The following TRANK1 variants were observed in gnomAD, a reference collection of about 807,000 sequenced individuals.
TRANK1 encodes TPR and ankyrin repeat-containing protein 1.
Under a neutral mutation model 266.0 loss-of-function variants are expected in TRANK1, and 198 were observed. That is an observed-to-expected ratio of 0.74 (90% CI 0.66 to 0.84). TRANK1 has a LOEUF of 0.84. Among genes scored for constraint, TRANK1 ranks in the 40% least tolerant of loss-of-function variants. TRANK1 has a pLI of 0.00. For synonymous variants in TRANK1, 1,396 were observed against 1,384.1 expected (o/e 1.01, Z -0.19); for missense variants, 3,326 against 3,634.6 (o/e 0.92, Z 2.18).
Position 36,832,549 on chromosome 3 carries a change from T to C in TRANK1, c.7034A>G (p.Glu2345Gly). Residue 2345 changes from glutamate (E) to glycine (G), a missense_variant, in exon 22 of 24, where the codon GAG (glutamate) becomes GGG (glycine). By Grantham distance (98) the Glu-to-Gly change is moderately conservative. Transcript: ENST00000645898. Reference protein sequence around the residue: ...QAFLLSSNYPEEFEKLLHQEE... With the variant: ...QAFLLSSNYPGEFEKLLHQEE... ...CTGGTGGAGCAGCTTTTCAAACTCC[T>C]CCGGGTAGTTGGAAGAGAGAAGGAA... 6.2e-7 allele frequency: 1 copy of C among 1,613,974 alleles called. No individual in the cohort carries two copies. Among genetic ancestry groups the C allele is most frequent in the Non-Finnish European group, 8.5e-7 (1 of 1,179,892 alleles).
At chr3:36,868,904 C>G (rs2079264937) in intron 9 of TRANK1, among the ~76,000 whole-genome samples, 1 of 152,194 alleles carries the variant, frequency 6.6e-6, no homozygotes, top group African/African-American at 2.4e-5. Context: ...CTGATGTAAG[C>G]TGACTCGAAA....
At chr3:36,852,851 A>G (rs1468019564) in intron 13 of TRANK1, among the ~76,000 whole-genome samples, 1 of 152,006 alleles carries the variant, frequency 6.6e-6, no homozygotes, top group Non-Finnish European at 1.5e-5. Context: ...GACTTTGGTA[A>G]GAAAACCAGA....
At chr3:36,843,977 C>T (rs1040730076) in intron 17 of TRANK1, among the ~76,000 whole-genome samples, 1 of 152,148 alleles carries the variant, frequency 6.6e-6, no homozygotes, top group Non-Finnish European at 1.5e-5. Context: ...GGCCAGTGAA[C>T]TCTGCAGATG....
chr3:36,838,559 A>C, intron 19 of TRANK1, 54 bp downstream of exon 19: 1 of 1,613,990 alleles, frequency 6.2e-7, no homozygotes, highest in Non-Finnish European at 8.5e-7. Flanking sequence ...CTACACCAAT[A>C]TTTAACCTGC....
rs752988782 is a variant in TRANK1, at chr3:36,856,502, G to A, written c.3220C>T (p.Leu1074Phe). Residue 1074 changes from leucine (L) to phenylalanine (F), a missense_variant, in exon 13 of 24, where the codon CTT becomes TTT. By Grantham distance (22) the Leu-to-Phe change is conservative (BLOSUM62 0). Coordinates refer to ENST00000645898, the MANE Select transcript of TRANK1 (RefSeq NM_001329998.2). ...TTCCCAGTGCCACTTCGCCCAATAA[G>A]GATGATGGGCTCCAGTGGCCTGGGA... Reference protein sequence around the residue: ...LNPRPLEPIILIGRSGTGKTT... With the variant: ...LNPRPLEPIIFIGRSGTGKTT... The A allele has an allele frequency of 1.2e-6, 2 of 1,614,010 alleles. No individual in the cohort carries two copies. The highest frequency in any genetic ancestry group is 1.7e-6 in the Non-Finnish European group (2 of 1,179,894).
intron 9 of TRANK1, among the ~76,000 whole-genome samples, chr3:36,867,704 G>A (rs2079246377): frequency 6.6e-6 from 1 of 152,176 alleles, no homozygotes; most frequent in South Asian, 2.1e-4. Flanking sequence ...ACAAAAGACT[G>A]AATAAAAATG....
intron 2 of TRANK1, among the ~76,000 whole-genome samples, chr3:36,903,860 A>T (rs1047086739): frequency 6.6e-6 from 1 of 152,244 alleles, no homozygotes. Context: ...GGCCAGAAGA[A>T]AAAGGAAAAT....
intron 18 of TRANK1, among the ~76,000 whole-genome samples, chr3:36,841,176 A>AG (rs1301890282): frequency 6.6e-6 from 1 of 152,208 alleles, no homozygotes; most frequent in Non-Finnish European, 1.5e-5. Flanking sequence ...AATTCCAATG[A>AG]GAAGAAGGAT....
chr3:36,888,813 T>C (rs947021608), intron 8 of TRANK1, among the ~76,000 whole-genome samples: 2 of 152,136 alleles, frequency 1.3e-5, no homozygotes, highest in East Asian at 3.8e-4. Flanking sequence ...TCCCAGTACT[T>C]TGGGAGGCCG....
chr3:36,840,648 G>C (rs530906125), intron 18 of TRANK1, among the ~76,000 whole-genome samples: 1 of 152,220 alleles, frequency 6.6e-6, no homozygotes, highest in Non-Finnish European at 1.5e-5. Flanking sequence ...TTCTGTTCAC[G>C]TTCTTTGAAC....
chr3:36,868,792 C>T (rs1040342898), intron 9 of TRANK1, among the ~76,000 whole-genome samples: 2 of 152,206 alleles, frequency 1.3e-5, no homozygotes, highest in African/African-American at 4.8e-5. Context: ...AGTCAATACC[C>T]TATGCCTGCA....
chr3:36,902,131 G>A (rs543580804), intron 3 of TRANK1, among the ~76,000 whole-genome samples: 1 of 151,778 alleles, frequency 6.6e-6, no homozygotes, highest in Non-Finnish European at 1.5e-5. Context: ...AAAAATAACC[G>A]CAAAAAAAAA....
Position 36,838,363 on chromosome 3 carries a change from G to A in TRANK1, c.5517+9C>T, listed in dbSNP as rs2078798025. ...TTTCCCTGGAGCAGCAGCGGACTAGGAGCCATACCTTTCCCAGCCTCTCGC... is the reference window on the plus strand; with the variant it reads ...TTTCCCTGGAGCAGCAGCGGACTAGAAGCCATACCTTTCCCAGCCTCTCGC... On this transcript the variant is annotated intron_variant, in intron 20 of 23. Coordinates refer to ENST00000645898, the MANE Select transcript of TRANK1 (RefSeq NM_001329998.2). The A allele has an allele frequency of 6.2e-7, 1 of 1,613,786 alleles. No individual in the cohort carries two copies. Among genetic ancestry groups the A allele is most frequent in the Admixed American group, 1.7e-5 (1 of 59,984 alleles).
chr3:36,868,206 A>C (rs2079255813), intron 9 of TRANK1, among the ~76,000 whole-genome samples: 1 of 152,210 alleles, frequency 6.6e-6, no homozygotes, highest in Admixed American at 6.5e-5. Context: ...TTCCATGTTT[A>C]ATATTAGATC....
intron 8 of TRANK1, among the ~76,000 whole-genome samples, chr3:36,885,223 TAAG>T (rs1413584511): frequency 6.6e-6 from 1 of 152,218 alleles, no homozygotes; most frequent in Non-Finnish European, 1.5e-5. Flanking sequence ...GTTAACATGA[TAAG>T]AAGTATTGAC....
intron 15 of TRANK1, chr3:36,851,267 C>G (rs1291563198): frequency 2.0e-6 from 2 of 986,912 alleles, no homozygotes; most frequent in Non-Finnish European, 2.4e-6. Context: ...TTACCTGATC[C>G]AGAGGGCAGG....
Position 36,940,111 on chromosome 3 carries a change from C to T in TRANK1, c.23+4676G>A, listed in dbSNP as rs193243577. Among the ~76,000 whole-genome samples, 30 of 151,492 alleles carry T rather than the reference C, an allele frequency of 2.0e-4. No individual in the cohort carries two copies. In the East Asian group the frequency reaches 4.4e-3, roughly 22 times the overall value. ...TTCACCGTGTTGGCCAGGCTGGTCT[C>T]GAACCACAGGTGATCTACCCGCCTC... On this transcript the variant is annotated intron_variant, in intron 1 of 23. Coordinates refer to ENST00000645898, the MANE Select transcript of TRANK1 (RefSeq NM_001329998.2).
intron 2 of TRANK1, among the ~76,000 whole-genome samples, chr3:36,905,646 G>A (rs760569668): frequency 1.1e-4 from 16 of 152,138 alleles, no homozygotes; most frequent in Non-Finnish European, 1.0e-4. Context: ...GATGACTGCC[G>A]GGAGCCAGAC....
chr3:36,838,627 C>T lies in TRANK1; in HGVS notation c.5370G>A (p.Lys1790=), dbSNP rs762968810. The T allele has an allele frequency of 6.2e-7, 1 of 1,613,956 alleles. No homozygotes were observed. Among genetic ancestry groups the T allele is most frequent in the Non-Finnish European group, 8.5e-7 (1 of 1,179,862 alleles). Residue 1790 remains lysine (K), a synonymous_variant, in exon 19 of 24, where the codon AAG becomes AAA. Coordinates refer to ENST00000645898, the MANE Select transcript of TRANK1 (RefSeq NM_001329998.2). ...AHDTALSMKS[K]KVSPKEKQLE... ...AAGACTCTTACTTGGGGCTGACTTT[C>T]TTGGATTTCATGCTCAGGGCAGTGT...
Sources: gnomAD v4.1 joint callset for allele counts (sites outside exome capture counted in the v4.1 genomes callset) on GRCh38, gnomAD v4.1.1 for gene constraint, MANE v1.5 for transcripts, NCBI Gene and HGNC (gene_info 2026-07-23, HGNC 2026-07-21) for gene names.